The following VPS13B variants were observed in gnomAD, a reference collection of about 807,000 sequenced individuals.
The protein encoded by VPS13B is intermembrane lipid transfer protein VPS13B.
A neutral mutation model predicts 426.4 loss-of-function variants in VPS13B; 285 were observed. That is an observed-to-expected ratio of 0.67 (90% CI 0.61 to 0.74). The LOEUF is 0.74. Ranked by LOEUF, VPS13B falls within the 30% of genes least tolerant of loss-of-function variation. The probability of loss-of-function intolerance (pLI) is 0.00; values close to 1 mark genes in which losing one functional copy is unlikely to be tolerated. For synonymous variants in VPS13B, 1,676 were observed against 1,676.4 expected, an observed-to-expected ratio of 1.00 and a Z score of 0.01; for missense variants, 4,537 against 4,782.6, an observed-to-expected ratio of 0.95 and a Z score of 1.51.
chr8:99,818,867 A>C lies in VPS13B; in HGVS notation c.8600A>C (p.His2867Pro). 1 of 1,613,164 alleles carries C rather than the reference A, an allele frequency of 6.2e-7. No homozygotes were observed. The highest frequency in any genetic ancestry group is 8.5e-7 in the Non-Finnish European group (1 of 1,179,846). Residue 2867 changes from histidine to proline, a missense_variant, in exon 47 of 62, where the codon CAT becomes CCT. By Grantham distance (77) the His-to-Pro change is moderately conservative. Transcript: ENST00000357162. ...PLQNIEPDLV[H>P]HLTFQAREEY... ...CAAAACATAGAACCTGACCTTGTAC[A>C]TCACCTGACATTCCAAGCAAGGTAC...
At chr8:99,148,925 T>C (rs1810904073) in intron 14 of VPS13B, among the ~76,000 whole-genome samples, 1 of 152,236 alleles carries the variant, frequency 6.6e-6, no homozygotes, top group Non-Finnish European at 1.5e-5. Context: ...GAATGAGGAA[T>C]GCTGATGAGA....
chr8:99,032,030 G>A (rs913588017), intron 2 of VPS13B, among the ~76,000 whole-genome samples: 1 of 152,230 alleles, frequency 6.6e-6, no homozygotes, highest in Non-Finnish European at 1.5e-5. Context: ...TGAGGACTGT[G>A]GAACTGCCCT....
chr8:99,574,637 T>G (rs981940382), intron 31 of VPS13B, among the ~76,000 whole-genome samples: 1 of 152,204 alleles, frequency 6.6e-6, no homozygotes, highest in African/African-American at 2.4e-5. Flanking sequence ...GGTAAAAATA[T>G]TCTGCTAAAT....
intron 23 of VPS13B, among the ~76,000 whole-genome samples, chr8:99,466,289 A>G (rs905532015): frequency 1.3e-5 from 2 of 152,136 alleles, no homozygotes; most frequent in East Asian, 1.9e-4. Flanking sequence ...ATGTTTCCCA[A>G]TTTATCTGCA....
chr8:99,422,675 G>A (rs1463527896), intron 21 of VPS13B, among the ~76,000 whole-genome samples: 1 of 152,006 alleles, frequency 6.6e-6, no homozygotes, highest in Non-Finnish European at 1.5e-5. Context: ...GTCCAAATAA[G>A]TACAAAGTTA....
At chr8:99,248,056 A>C (rs925836928) in intron 17 of VPS13B, among the ~76,000 whole-genome samples, 2 of 152,204 alleles carry the variant, frequency 1.3e-5, no homozygotes, top group Non-Finnish European at 2.9e-5. Context: ...AAGTAATATA[A>C]AACTGCTGGT....
chr8:99,834,241 G>A (rs966413135), intron 52 of VPS13B, among the ~76,000 whole-genome samples: 1 of 152,118 alleles, frequency 6.6e-6, no homozygotes, highest in Non-Finnish European at 1.5e-5. Flanking sequence ...ATGTAATTTA[G>A]GCTTCAGAGT....
intron 14 of VPS13B, among the ~76,000 whole-genome samples, chr8:99,154,782 G>A (rs1010020802): frequency 1.3e-5 from 2 of 152,074 alleles, no homozygotes; most frequent in Non-Finnish European, 2.9e-5. Flanking sequence ...ATAGGACCAT[G>A]ATGATGTACT....
At position 99,258,107 on chromosome 8, in the gene VPS13B, A is replaced by AT. The variant is rs1472085998; in HGVS notation, c.2516-16085dup. Among the ~76,000 whole-genome samples, 20 of 151,426 alleles carry AT rather than the reference A, an allele frequency of 1.3e-4. No homozygotes were observed. In the East Asian group the frequency reaches 2.3e-3, roughly 18 times the overall value. On this transcript the variant is annotated intron_variant, in intron 17 of 61. Transcript: ENST00000357162. ...TATCATCATTTAGTTTTATTTTATT[A>AT]TTTTTTATTATTTTAACCAATAATT...
intron 17 of VPS13B, among the ~76,000 whole-genome samples, chr8:99,220,780 C>CTTTTTTTTTTT (rs5893485): frequency 1.8e-5 from 2 of 112,962 alleles, no homozygotes; most frequent in Admixed American, 9.1e-5. Context: ...TAGTTTTATT[C>CTTTTTTTTTTT]TTTTTTTTTT....
chr8:99,161,887 C>T (rs1179488644), intron 15 of VPS13B, among the ~76,000 whole-genome samples: 1 of 152,012 alleles, frequency 6.6e-6, no homozygotes, highest in Non-Finnish European at 1.5e-5. Flanking sequence ...TGTGCACCAC[C>T]ACACCCAGCT....
chr8:99,876,618 A>C lies in VPS13B; in HGVS notation c.*952A>C, dbSNP rs1439133133. 1 of 152,176 alleles carries C rather than the reference A, an allele frequency of 6.6e-6. No homozygotes were observed. Among genetic ancestry groups the C allele is most frequent in the Non-Finnish European group, 1.5e-5 (1 of 68,026 alleles). The allele number at this position is 152,176 out of a possible 1,614,324, so 9.4% of individuals were successfully genotyped here. ...CCATTTTGTTTATTCTGTGGAATTG[A>C]CTTGACAAAGCATGAAGATATTCCC... On this transcript the variant is annotated 3_prime_UTR_variant, in exon 62 of 62. Coordinates refer to ENST00000357162, the MANE Select transcript of VPS13B (RefSeq NM_152564.5).
chr8:99,407,261 T>C (rs1815383040), intron 21 of VPS13B, among the ~76,000 whole-genome samples: 1 of 152,180 alleles, frequency 6.6e-6, no homozygotes, highest in South Asian at 2.1e-4. Flanking sequence ...AATTGACTTT[T>C]TTTCTTACCC....
intron 39 of VPS13B, among the ~76,000 whole-genome samples, chr8:99,738,617 C>G (rs1833938434): frequency 6.6e-6 from 1 of 152,206 alleles, no homozygotes; most frequent in South Asian, 2.1e-4. Flanking sequence ...AGATTTGACT[C>G]CTTCTACACA....
At chr8:99,059,492 A>G (rs1421454664) in intron 3 of VPS13B, among the ~76,000 whole-genome samples, 5 of 151,930 alleles carry the variant, frequency 3.3e-5, no homozygotes, top group Admixed American at 1.3e-4. Flanking sequence ...TGGAGTTTTA[A>G]GAAGACTGTA....
chr8:99,234,608 G>A (rs533725110), intron 17 of VPS13B: 3 of 393,260 alleles, frequency 7.6e-6, no homozygotes, highest in South Asian at 4.1e-5. Context: ...TAGTGCGCTC[G>A]CGCAGTCCCT....
intron 23 of VPS13B, among the ~76,000 whole-genome samples, chr8:99,458,728 T>C (rs1818658272): frequency 6.6e-6 from 1 of 152,250 alleles, no homozygotes; most frequent in Non-Finnish European, 1.5e-5. Flanking sequence ...TTTTGAGAAG[T>C]GTCTGTTCAT....
intron 39 of VPS13B, among the ~76,000 whole-genome samples, chr8:99,738,984 G>A (rs1422921831): frequency 1.3e-5 from 2 of 152,216 alleles, no homozygotes; most frequent in African/African-American, 4.8e-5. Flanking sequence ...GTGCAGGACA[G>A]TGGGTGCAGC....
chr8:99,464,212 G>A (rs1025793430), intron 23 of VPS13B, among the ~76,000 whole-genome samples: 3 of 152,148 alleles, frequency 2.0e-5, no homozygotes, highest in Non-Finnish European at 4.4e-5. Flanking sequence ...GGGAGAAGAG[G>A]AAGGCATTTT....
Sources: allele counts gnomAD v4.1 joint callset (sites outside exome capture counted in the v4.1 genomes callset), GRCh38; gene constraint gnomAD v4.1.1; transcripts MANE v1.5; gene names NCBI Gene and HGNC (gene_info 2026-07-23, HGNC 2026-07-21).